Variants in ZHX3 observed in about 807,000 individuals in gnomAD.
ZHX3 encodes zinc fingers and homeoboxes protein 3.
ZHX3 carries 20 observed loss-of-function variants against 64.5 expected under a neutral mutation model. That is an observed-to-expected ratio of 0.31 (90% CI 0.22 to 0.45). ZHX3 has a LOEUF of 0.45. ZHX3 is among the 20% of genes least tolerant of loss of function. The pLI is 1.00. For missense variants in ZHX3, 1,041 were observed against 1,195.8 expected, an observed-to-expected ratio of 0.87 and a Z score of 1.91; for synonymous variants, 423 against 461.6, an observed-to-expected ratio of 0.92 and a Z score of 1.07.
chr20:41,189,299 C>T (rs2036801970), intron 3 of ZHX3, among the ~76,000 whole-genome samples: 1 of 152,066 alleles, frequency 6.6e-6, no homozygotes, highest in African/African-American at 2.4e-5. Flanking sequence ...GTTCTTTTTG[C>T]TTAGGATTGC....
intron 2 of ZHX3, among the ~76,000 whole-genome samples, chr20:41,248,650 G>T (rs1453889050): frequency 6.6e-6 from 1 of 152,146 alleles, no homozygotes; most frequent in Non-Finnish European, 1.5e-5. Context: ...TAAAGCCCAT[G>T]GTGCTCAAAA....
Position 41,204,696 on chromosome 20 carries a change from C to G in ZHX3, c.221G>C (p.Gly74Ala), listed in dbSNP as rs575652348. The change falls in exon 3 of 4, where the codon GGC (glycine) becomes GCC (alanine). Residue 74 changes from glycine (G) to alanine (A), a missense_variant. Physicochemically the swap from Gly to Ala is moderately conservative, Grantham distance 60. Coordinates refer to ENST00000683867, the MANE Select transcript of ZHX3 (RefSeq NM_001384317.1). The surrounding 1 kb of genome is among the most constrained non-coding windows in gnomAD (Gnocchi z 6.6). ...GCAGTATTTACAGGAATATAAATAG[C>G]CATCTAAAGTGCTCCGATGCCCATT... ...LANGHRSTLD[G>A]YLYSCKYCDF... 1.9e-6 allele frequency: 3 copies of G among 1,614,228 alleles called. No homozygotes were observed. The South Asian group carries it at 3.3e-5, about 18-fold the overall frequency.
At chr20:41,311,827 T>C (rs2045145883) in intron 1 of ZHX3, among the ~76,000 whole-genome samples, 1 of 152,246 alleles carries the variant, frequency 6.6e-6, no homozygotes, top group Non-Finnish European at 1.5e-5. Context: ...TGAACACACA[T>C]AGCAATGGAC....
chr20:41,254,856 C>T (rs937193890), intron 2 of ZHX3, among the ~76,000 whole-genome samples: 6 of 151,966 alleles, frequency 3.9e-5, no homozygotes, highest in African/African-American at 1.5e-4. Flanking sequence ...ACGCAGGAGA[C>T]AAGAAAGCAA....
chr20:41,209,146 A>T (rs1169818255), intron 2 of ZHX3, among the ~76,000 whole-genome samples: 1 of 152,194 alleles, frequency 6.6e-6, no homozygotes, highest in Non-Finnish European at 1.5e-5. Context: ...GATGTGAAGG[A>T]CCTCTTCAAG....
chr20:41,310,403 A>C (rs1475501640), intron 1 of ZHX3, among the ~76,000 whole-genome samples: 1 of 152,202 alleles, frequency 6.6e-6, no homozygotes, highest in Non-Finnish European at 1.5e-5. Flanking sequence ...CAGAGATGAT[A>C]ACCACCACCA....
intron 1 of ZHX3, among the ~76,000 whole-genome samples, chr20:41,304,469 G>A (rs1171494739): frequency 6.6e-6 from 1 of 152,128 alleles, no homozygotes; most frequent in Admixed American, 6.6e-5. Context: ...CAAGCATCTT[G>A]TTTACCATGC....
chr20:41,265,796 C>T lies in ZHX3; in HGVS notation c.-151+3194G>A, dbSNP rs145936713. Among the ~76,000 whole-genome samples the T allele has an allele frequency of 2.7e-4, 41 of 152,128 alleles. 3 individuals are homozygous for T. Among genetic ancestry groups the T allele is most frequent in the African/African-American group, 5.3e-4 (22 of 41,462 alleles). ...AAAGTAAAAAAGTATTACTATTAACCGTTCATAATATTCACAAATGGGTAG... is the reference window on the plus strand; with the variant it reads ...AAAGTAAAAAAGTATTACTATTAACTGTTCATAATATTCACAAATGGGTAG... On this transcript the variant is annotated intron_variant, in intron 2 of 3. Coordinates refer to ENST00000683867, the MANE Select transcript of ZHX3 (RefSeq NM_001384317.1).
chr20:41,274,280 G>A (rs1333382759), intron 1 of ZHX3, among the ~76,000 whole-genome samples: 1 of 152,200 alleles, frequency 6.6e-6, no homozygotes, highest in Non-Finnish European at 1.5e-5. Context: ...GATGCACGAA[G>A]CTTATTTGTT....
rs189373174 is a variant in ZHX3, at chr20:41,221,147, C to T, written c.-150-16081G>A. On this transcript the variant is annotated intron_variant, in intron 2 of 3. Coordinates refer to ENST00000683867, the MANE Select transcript of ZHX3 (RefSeq NM_001384317.1). ...TCTCCACTGTTCTTCTCTGAATGTGCTCTTATTTGTCTATAGCCTTCTCAA... is the reference window on the plus strand; with the variant it reads ...TCTCCACTGTTCTTCTCTGAATGTGTTCTTATTTGTCTATAGCCTTCTCAA... Among the ~76,000 whole-genome samples the T allele has an allele frequency of 1.4e-3, 218 of 152,326 alleles. 5 individuals are homozygous for T. The highest frequency in any genetic ancestry group is 7.2e-4 in the Non-Finnish European group (49 of 68,038).
intron 2 of ZHX3, among the ~76,000 whole-genome samples, chr20:41,225,590 C>A (rs1271116250): frequency 6.6e-6 from 1 of 152,160 alleles, no homozygotes; most frequent in Non-Finnish European, 1.5e-5. Flanking sequence ...CAGGTTCAAG[C>A]GATTCTCCTA....
intron 2 of ZHX3, among the ~76,000 whole-genome samples, chr20:41,206,871 A>G (rs1381891417): frequency 6.6e-6 from 1 of 152,250 alleles, no homozygotes; most frequent in Non-Finnish European, 1.5e-5. Flanking sequence ...GTTGAAATGA[A>G]GGAAAAAATG....
At chr20:41,209,129 T>A (rs1450392338) in intron 2 of ZHX3, among the ~76,000 whole-genome samples, 1 of 152,098 alleles carries the variant, frequency 6.6e-6, no homozygotes, top group Non-Finnish European at 1.5e-5. Flanking sequence ...GAATCCAACT[T>A]ACAAGGGATG....
chr20:41,211,272 C>A (rs527853376), intron 2 of ZHX3, among the ~76,000 whole-genome samples: 368 of 152,100 alleles, frequency 2.4e-3, no homozygotes, highest in African/African-American at 8.5e-3. Flanking sequence ...AATAGTAATT[C>A]TAATACTAAA....
In ZHX3 at chr20:41,204,289, G is replaced by C. The variant is rs1036622811; in HGVS notation, c.628C>G (p.Pro210Ala). 1 of 1,614,212 alleles carries C rather than the reference G, an allele frequency of 6.2e-7. No individual in the cohort carries two copies. The highest frequency in any genetic ancestry group is 2.2e-5 in the East Asian group (1 of 44,868). ...HTLKENVPSQ[P>A]VGEALPKLST... ...AGCTTTGGTAAGGCCTCACCCACAG[G>C]CTGGCTAGGGACATTCTCCTTGAGT... Residue 210 changes from proline to alanine, a missense_variant, in exon 3 of 4, where the codon CCT becomes GCT. By Grantham distance (27) the Pro-to-Ala change is conservative. This residue lies in a region of ZHX3 where 358 missense variants were observed against 369.1 expected (regional missense o/e 0.97). Transcript: ENST00000683867. The surrounding 1 kb of genome is among the most constrained non-coding windows in gnomAD (Gnocchi z 6.6).
chr20:41,298,588 C>T (rs1859653836), intron 1 of ZHX3, among the ~76,000 whole-genome samples: 1 of 152,158 alleles, frequency 6.6e-6, no homozygotes, highest in Admixed American at 6.5e-5. Context: ...AGTAAGATCA[C>T]TGAGCTAGAA....
intron 2 of ZHX3, among the ~76,000 whole-genome samples, chr20:41,222,051 T>C (rs1408314665): frequency 6.6e-6 from 1 of 152,234 alleles, no homozygotes; most frequent in East Asian, 1.9e-4. Context: ...TCCTTCAGCA[T>C]GGCTCTGCTG....
intron 2 of ZHX3, among the ~76,000 whole-genome samples, chr20:41,252,009 A>G (rs2042016926): frequency 6.6e-6 from 1 of 152,188 alleles, no homozygotes. Flanking sequence ...AACTTAAAAA[A>G]TGTTGTTTTT....
chr20:41,300,378 C>T (rs759302449), intron 1 of ZHX3, among the ~76,000 whole-genome samples: 17 of 152,046 alleles, frequency 1.1e-4, no homozygotes, highest in Non-Finnish European at 2.1e-4. Context: ...ACCAGAATTC[C>T]AGCCTTCAGA....
Sources: allele counts gnomAD v4.1 joint callset (sites outside exome capture counted in the v4.1 genomes callset), GRCh38; gene constraint gnomAD v4.1.1; regional missense constraint gnomAD v4.1.1; non-coding constraint Gnocchi (gnomAD v3.1); transcripts MANE v1.5; gene names NCBI Gene and HGNC (gene_info 2026-07-23, HGNC 2026-07-21).